The following PCDH11X variants were observed in gnomAD, a reference collection of about 807,000 sequenced individuals.
PCDH11X encodes the protein protocadherin-11 X-linked.
In PCDH11X, 18 loss-of-function variants were observed where a neutral mutation model predicts 53.3. The ratio of observed to expected loss-of-function variants is 0.34; its 90% CI spans 0.23 to 0.50. The LOEUF is 0.50. Among genes scored for constraint, PCDH11X ranks in the 20% least tolerant of loss-of-function variants. PCDH11X has a pLI of 0.98. For synonymous variants in PCDH11X, 279 were observed against 393.3 expected, an observed-to-expected ratio of 0.71 and a Z score of 3.44; for missense variants, 570 against 1,032.4, an observed-to-expected ratio of 0.55 and a Z score of 6.14.
intron 8 of PCDH11X, among the ~76,000 whole-genome samples, chrX:92,293,064 C>T (rs1192241825): frequency 9.6e-6 from 1 of 103,732 alleles, no homozygotes; most frequent in Non-Finnish European, 2.0e-5. Context: ...TAGCTGTGAC[C>T]GTGTACTAGG....
intron 8 of PCDH11X, among the ~76,000 whole-genome samples, chrX:92,364,120 C>T (rs1175323352): frequency 9.0e-6 from 1 of 111,504 alleles, no homozygotes; most frequent in East Asian, 2.8e-4. Flanking sequence ...CTTATAGTGT[C>T]TTAGTCTAGC....
chrX:92,557,230 A>G (rs1455570541), intron 10 of PCDH11X, among the ~76,000 whole-genome samples: 1 of 109,113 alleles, frequency 9.2e-6, no homozygotes, highest in African/African-American at 3.3e-5. Flanking sequence ...GCTCCTTGTT[A>G]ATTAGGCAAA....
intron 10 of PCDH11X, among the ~76,000 whole-genome samples, chrX:92,534,986 C>T (rs774549790): frequency 9.0e-6 from 1 of 111,334 alleles, no homozygotes; most frequent in South Asian, 3.8e-4. Flanking sequence ...CCATCTCACA[C>T]CAGTCATAAC....
At chrX:92,078,356 A>C (rs1181339109) in intron 6 of PCDH11X, among the ~76,000 whole-genome samples, 3 of 111,495 alleles carry the variant, frequency 2.7e-5, no homozygotes. Context: ...ACTTTTACAG[A>C]GAATGTATGC....
intron 9 of PCDH11X, among the ~76,000 whole-genome samples, chrX:92,403,661 AG>A (rs947776749): frequency 1.8e-5 from 2 of 110,969 alleles, no homozygotes; most frequent in African/African-American, 6.5e-5. Context: ...GTTATGGGAA[AG>A]TCCATAAACT....
chrX:92,109,139 C>G, intron 6 of PCDH11X, among the ~76,000 whole-genome samples: 1 of 111,173 alleles, frequency 9.0e-6, no homozygotes, highest in Non-Finnish European at 1.9e-5. Flanking sequence ...AATCCCAGCA[C>G]TTTGGGAGGC....
In PCDH11X at chrX:92,275,155, C is replaced by T. The variant is rs971832410; in HGVS notation, c.3144+12012C>T. Reference sequence around the variant, plus strand: ...AGTATTAAAGCAGTGGCAGCCTCTGCACGCAGACCTGAGGGCTAGGCTAAA... The same window carrying T: ...AGTATTAAAGCAGTGGCAGCCTCTGTACGCAGACCTGAGGGCTAGGCTAAA... On this transcript the variant is annotated intron_variant, in intron 8 of 10. Coordinates refer to ENST00000682573, the MANE Select transcript of PCDH11X (RefSeq NM_032968.5). Among the ~76,000 whole-genome samples, 46 of 103,280 alleles carry T rather than the reference C, an allele frequency of 4.5e-4. 1 individual carries two copies. In the Middle Eastern group the frequency reaches 0.015, roughly 33 times the overall value. 89.7% of individuals were successfully genotyped at this position (103,280 alleles called of 115,157 possible). A position where few individuals can be genotyped will look rare whatever the true frequency, so the allele number is the denominator to read the frequency against.
intron 6 of PCDH11X, among the ~76,000 whole-genome samples, chrX:92,115,024 G>T (rs942103629): frequency 1.0e-4 from 11 of 109,759 alleles, no homozygotes; most frequent in African/African-American, 3.7e-4. Flanking sequence ...GGTCAGGCTG[G>T]TCTCAAATTC....
chrX:92,243,023 G>A (rs971228505), intron 7 of PCDH11X, among the ~76,000 whole-genome samples: 55 of 109,266 alleles, frequency 5.0e-4, no homozygotes, highest in African/African-American at 1.8e-3. Flanking sequence ...CCTTTTTTCA[G>A]ATATGTGAAT....
At chrX:92,228,758 A>C (rs190497119) in intron 7 of PCDH11X, among the ~76,000 whole-genome samples, 41 of 111,643 alleles carry the variant, frequency 3.7e-4, no homozygotes, top group African/African-American at 1.3e-3. Context: ...TTGAAAAAAA[A>C]TTTTTGATGT....
At chrX:92,307,242 A>G (rs1353310105) in intron 8 of PCDH11X, among the ~76,000 whole-genome samples, 1 of 109,219 alleles carries the variant, frequency 9.2e-6, no homozygotes, top group Non-Finnish European at 1.9e-5. Flanking sequence ...ATTCAGCCAC[A>G]TATTTAAGGG....
chrX:92,424,633 G>A lies in PCDH11X; in HGVS notation c.3343+36700G>A, dbSNP rs188173918. Among the ~76,000 whole-genome samples the A allele has an allele frequency of 1.8e-3, 178 of 96,962 alleles. 6 individuals are homozygous for A. The highest frequency in any genetic ancestry group is 5.9e-3 in the African/African-American group (177 of 29,866). The allele number at this position is 96,962 out of a possible 115,157, so 84.2% of individuals were successfully genotyped here. A position where few individuals can be genotyped will look rare whatever the true frequency, so the allele number is the denominator to read the frequency against. On this transcript the variant is annotated intron_variant, in intron 9 of 10. Coordinates refer to ENST00000682573, the MANE Select transcript of PCDH11X (RefSeq NM_032968.5). ...TGCATTTTCAACTGAAGTTCTAGCT[G>A]TCAGCTCTATACCTCTGTCGAGCTT...
At position 92,355,965 on chromosome X, in the gene PCDH11X, T is replaced by G. The variant is rs78350665; in HGVS notation, c.3145-31770T>G. Among the ~76,000 whole-genome samples, 304 of 111,166 alleles carry G rather than the reference T, an allele frequency of 2.7e-3. 6 individuals are homozygous for G. The East Asian group carries it at 0.052, about 19-fold the overall frequency. Reference sequence around the variant, plus strand: ...AATGATGTTTTAAATAATCCTGAGATTTGTTACTTGTACAGCCTCGTACTT... The same window carrying G: ...AATGATGTTTTAAATAATCCTGAGAGTTGTTACTTGTACAGCCTCGTACTT... On this transcript the variant is annotated intron_variant, in intron 8 of 10. Transcript: ENST00000682573.
At chrX:91,796,911 A>G (rs1422118812) in intron 1 of PCDH11X, among the ~76,000 whole-genome samples, 2 of 111,613 alleles carry the variant, frequency 1.8e-5, no homozygotes, top group Non-Finnish European at 3.8e-5. Context: ...CATCTTTTTC[A>G]CTTCACAGTC....
chrX:92,099,474 C>A (rs1232207906), intron 6 of PCDH11X, among the ~76,000 whole-genome samples: 3 of 109,976 alleles, frequency 2.7e-5, no homozygotes, highest in Non-Finnish European at 1.9e-5. Flanking sequence ...GAGCTACATT[C>A]ATCATTTTAA....
intron 6 of PCDH11X, among the ~76,000 whole-genome samples, chrX:92,131,326 A>G (rs1458675797): frequency 2.7e-5 from 3 of 111,993 alleles, no homozygotes; most frequent in East Asian, 5.6e-4. Flanking sequence ...TTTTAAATCA[A>G]GAGATAGAAA....
chrX:91,939,241 A>C (rs2061480908), intron 6 of PCDH11X, among the ~76,000 whole-genome samples: 1 of 111,265 alleles, frequency 9.0e-6, no homozygotes, highest in Non-Finnish European at 1.9e-5. Context: ...TAGAGTAGAC[A>C]TGCAAGAAGA....
intron 6 of PCDH11X, among the ~76,000 whole-genome samples, chrX:91,907,081 C>A (rs1288350178): frequency 9.1e-6 from 1 of 110,258 alleles, no homozygotes; most frequent in Non-Finnish European, 1.9e-5. Flanking sequence ...TCATGCCATA[C>A]AGACAATATA....
chrX:92,225,176 T>C (rs1377965943), intron 7 of PCDH11X, among the ~76,000 whole-genome samples: 1 of 111,535 alleles, frequency 9.0e-6, no homozygotes, highest in Non-Finnish European at 1.9e-5. Flanking sequence ...TCTAAGGCAA[T>C]ATAATTTACA....
Sources: allele counts gnomAD v4.1 joint callset (sites outside exome capture counted in the v4.1 genomes callset), GRCh38; gene constraint gnomAD v4.1.1; transcripts MANE v1.5; gene names NCBI Gene and HGNC (gene_info 2026-07-23, HGNC 2026-07-21).